The following NKAIN3 variants were observed in gnomAD, a reference collection of about 807,000 sequenced individuals.
NKAIN3 encodes the protein sodium/potassium-transporting ATPase subunit beta-1-interacting protein 3.
NKAIN3 carries 25 observed loss-of-function variants against 30.2 expected under a neutral mutation model. The observed-to-expected ratio is 0.83, with a 90% CI of 0.60 to 1.16. The LOEUF (loss-of-function observed/expected upper bound fraction) is 1.16. Among genes scored for constraint, NKAIN3 ranks in the 50% most tolerant of loss-of-function variants. The probability of loss-of-function intolerance (pLI) is 0.00; values close to 1 mark genes in which losing one functional copy is unlikely to be tolerated. For synonymous variants in NKAIN3, 91 were observed against 89.6 expected, an observed-to-expected ratio of 1.02 and a Z score of -0.09; for missense variants, 225 against 254.1, an observed-to-expected ratio of 0.89 and a Z score of 0.78.
intron 3 of NKAIN3, among the ~76,000 whole-genome samples, chr8:62,719,577 A>T (rs1815017433): frequency 6.6e-6 from 1 of 152,046 alleles, no homozygotes; most frequent in Admixed American, 6.6e-5. Context: ...TAATTAGCTG[A>T]GATTTTGTTT....
At chr8:62,305,410 C>T (rs759629490) in intron 1 of NKAIN3, among the ~76,000 whole-genome samples, 3 of 150,478 alleles carry the variant, frequency 2.0e-5, no homozygotes, top group South Asian at 2.1e-4. Context: ...AAAATTGCAA[C>T]AACCTTAACA....
Position 62,974,922 on chromosome 8 carries a change from G to A in NKAIN3, c.*9515G>A, listed in dbSNP as rs1300714101. On this transcript the variant is annotated 3_prime_UTR_variant, in exon 7 of 7. Transcript: ENST00000623646. ...TTTCCGCATCTATTGAGATAATCAT[G>A]TGGTTTTTGTCATTGGTTCTGTTTA... 6.6e-6 allele frequency among the ~76,000 whole-genome samples: 1 copy of A among 152,206 alleles called. No homozygotes were observed. The highest frequency in any genetic ancestry group is 1.5e-5 in the Non-Finnish European group (1 of 68,036).
At chr8:62,355,793 C>T (rs4738956) in intron 1 of NKAIN3, among the ~76,000 whole-genome samples, 24,476 of 152,068 alleles carry the variant, frequency 0.16, 2,206 homozygotes, top group East Asian at 0.39. Context: ...GGCCATCTGA[C>T]GTGGTTTTCC....
intron 4 of NKAIN3, among the ~76,000 whole-genome samples, chr8:62,807,358 G>C (rs60529641): frequency 6.6e-6 from 1 of 151,946 alleles, no homozygotes; most frequent in African/African-American, 2.4e-5. Flanking sequence ...TCTTATTAAT[G>C]TATATGGAAT....
At chr8:62,327,600 CT>C (rs1815186446) in intron 1 of NKAIN3, among the ~76,000 whole-genome samples, 1 of 152,022 alleles carries the variant, frequency 6.6e-6, no homozygotes, top group African/African-American at 2.4e-5. Flanking sequence ...CCTTACCACT[CT>C]TTTCAACAAT....
intron 4 of NKAIN3, among the ~76,000 whole-genome samples, chr8:62,842,974 T>A (rs1252678179): frequency 1.3e-5 from 2 of 151,974 alleles, no homozygotes; most frequent in East Asian, 3.9e-4. Context: ...AAATCTCAAG[T>A]AACAAAAGCA....
intron 5 of NKAIN3, among the ~76,000 whole-genome samples, chr8:62,993,905 T>G (rs1254966984): frequency 6.6e-6 from 1 of 152,166 alleles, no homozygotes; most frequent in Non-Finnish European, 1.5e-5. Flanking sequence ...AAAGCACAAA[T>G]GAAAGAAGCA....
At chr8:62,765,750 G>T (rs1586174927) in intron 4 of NKAIN3, among the ~76,000 whole-genome samples, 1 of 152,162 alleles carries the variant, frequency 6.6e-6, no homozygotes, top group South Asian at 2.1e-4. Context: ...GGTATAAATT[G>T]TCAATATATA....
intron 1 of NKAIN3, among the ~76,000 whole-genome samples, chr8:62,305,675 T>C (rs1814210306): frequency 6.7e-6 from 1 of 150,366 alleles, no homozygotes; most frequent in South Asian, 2.1e-4. Flanking sequence ...CACCATGGTG[T>C]CTCCAGGCCC....
chr8:62,255,194 T>C (rs1287509896), intron 1 of NKAIN3, among the ~76,000 whole-genome samples: 1 of 151,904 alleles, frequency 6.6e-6, no homozygotes, highest in Non-Finnish European at 1.5e-5. Context: ...GGAAAGACAC[T>C]GGGAAGACAC....
intron 4 of NKAIN3, among the ~76,000 whole-genome samples, chr8:62,779,428 A>G (rs1414563259): frequency 6.6e-6 from 1 of 152,012 alleles, no homozygotes; most frequent in Non-Finnish European, 1.5e-5. Flanking sequence ...GCTGTTATAA[A>G]TGCTCCCTAC....
At chr8:62,658,242 G>A (rs1000718364) in intron 3 of NKAIN3, among the ~76,000 whole-genome samples, 2 of 152,076 alleles carry the variant, frequency 1.3e-5, no homozygotes, top group South Asian at 2.1e-4. Context: ...TAATCTCCCC[G>A]GGCATTAAGG....
At chr8:62,546,180 A>G (rs2129913984) in intron 1 of NKAIN3, among the ~76,000 whole-genome samples, 1 of 152,288 alleles carries the variant, frequency 6.6e-6, no homozygotes, top group Non-Finnish European at 1.5e-5. Context: ...TTTGTCTACA[A>G]TAGGTTAATG....
intron 1 of NKAIN3, among the ~76,000 whole-genome samples, chr8:62,438,084 T>A (rs1035512543): frequency 6.6e-6 from 1 of 152,160 alleles, no homozygotes; most frequent in Non-Finnish European, 1.5e-5. Flanking sequence ...GTGGGTCCCA[T>A]GAGCAATGCG....
intron 1 of NKAIN3, among the ~76,000 whole-genome samples, chr8:62,555,006 A>C (rs1242651635): frequency 1.5e-5 from 2 of 134,214 alleles, no homozygotes; most frequent in African/African-American, 2.6e-5. Context: ...AAATGGCAGA[A>C]TCTATACACA....
intron 4 of NKAIN3, among the ~76,000 whole-genome samples, chr8:62,779,680 CA>C (rs1817298263): frequency 6.6e-6 from 1 of 152,164 alleles, no homozygotes; most frequent in Non-Finnish European, 1.5e-5. Flanking sequence ...CATCAGCATA[CA>C]GAACATTCTC....
intron 1 of NKAIN3, among the ~76,000 whole-genome samples, chr8:62,503,160 G>A (rs1489114570): frequency 6.6e-6 from 1 of 152,104 alleles, no homozygotes; most frequent in Admixed American, 6.6e-5. Flanking sequence ...CCTAAGTGTT[G>A]GTCAGTCTGA....
At chr8:62,638,657 T>G (rs567549196) in intron 3 of NKAIN3, among the ~76,000 whole-genome samples, 2 of 152,218 alleles carry the variant, frequency 1.3e-5, no homozygotes, top group Non-Finnish European at 2.9e-5. Context: ...GCTGATGCTG[T>G]TTCTTTTTTT....
rs575200788 is a variant in NKAIN3, at chr8:62,408,775, A to T, written c.54+159648A>T. Among the ~76,000 whole-genome samples the T allele has an allele frequency of 3.2e-4, 48 of 152,276 alleles. No individual in the cohort carries two copies. In the South Asian group the frequency reaches 5.8e-3, roughly 18 times the overall value. On this transcript the variant is annotated intron_variant, in intron 1 of 6. Transcript: ENST00000623646. Reference sequence around the variant, plus strand: ...TGGAGGAAAGTGAAAAAGTGAAGGGAAGTAGAATTTCCTTTCTATTTAAGG... The same window carrying T: ...TGGAGGAAAGTGAAAAAGTGAAGGGTAGTAGAATTTCCTTTCTATTTAAGG...
Sources: allele counts gnomAD v4.1 joint callset (sites outside exome capture counted in the v4.1 genomes callset), GRCh38; gene constraint gnomAD v4.1.1; transcripts MANE v1.5; gene names NCBI Gene and HGNC (gene_info 2026-07-23, HGNC 2026-07-21).